The following TMEFF2 variants were observed in gnomAD, a reference collection of about 807,000 sequenced individuals.
The protein encoded by TMEFF2 is transmembrane protein with EGF like and two follistatin like domains 2, also known as tomoregulin-2.
In TMEFF2, 28 loss-of-function variants were observed where a neutral mutation model predicts 53.8. That is an observed-to-expected ratio of 0.52 (90% CI 0.39 to 0.71). The LOEUF is 0.71. Among genes scored for constraint, TMEFF2 ranks in the 30% least tolerant of loss-of-function variants. The pLI is 0.00. For missense variants in TMEFF2, 353 were observed against 455.2 expected, an observed-to-expected ratio of 0.78 and a Z score of 2.04; for synonymous variants, 162 against 166.3, an observed-to-expected ratio of 0.97 and a Z score of 0.20.
intron 7 of TMEFF2, among the ~76,000 whole-genome samples, chr2:191,977,184 C>T (rs980481514): frequency 6.6e-6 from 1 of 152,178 alleles, no homozygotes; most frequent in African/African-American, 2.4e-5. Context: ...CCATGCTGGA[C>T]CAATAGACAC....
chr2:191,955,420 C>A (rs1692043312), intron 8 of TMEFF2, among the ~76,000 whole-genome samples: 1 of 150,352 alleles, frequency 6.7e-6, no homozygotes, highest in Non-Finnish European at 1.5e-5. Flanking sequence ...GTGACCATAG[C>A]TCACTGCAGG....
rs1278766344 is a variant in TMEFF2, at chr2:191,953,688, C to T, written c.1019G>A (p.Cys340Tyr). 1 of 1,613,334 alleles carries T rather than the reference C, an allele frequency of 6.2e-7. No homozygotes were observed. Among genetic ancestry groups the T allele is most frequent in the African/African-American group, 1.3e-5 (1 of 74,974 alleles). The change falls in exon 9 of 10, where the codon TGC becomes TAC. Residue 340 changes from cysteine (C) to tyrosine (Y), a missense_variant. Cys to Tyr is a radical substitution (Grantham distance 194, BLOSUM62 -2). Transcript: ENST00000272771. ...QIAVICVVVLCITRKCPRSNR... is the reference protein window; with the variant it reads ...QIAVICVVVLYITRKCPRSNR... ...AAGTGCTGTTACTGACCTTGTGATGCAGAGGACCACCACACAGATGACAGC... is the reference window on the plus strand; with the variant it reads ...AAGTGCTGTTACTGACCTTGTGATGTAGAGGACCACCACACAGATGACAGC...
intron 4 of TMEFF2, among the ~76,000 whole-genome samples, chr2:192,074,965 T>G (rs1688373901): frequency 6.6e-6 from 1 of 151,466 alleles, no homozygotes; most frequent in Non-Finnish European, 1.5e-5. Flanking sequence ...TGTATATATT[T>G]CTCTTGATAA....
intron 4 of TMEFF2, among the ~76,000 whole-genome samples, chr2:192,083,982 A>G (rs995554915): frequency 1.3e-5 from 2 of 152,080 alleles, no homozygotes; most frequent in African/African-American, 4.8e-5. Context: ...TACTACCACC[A>G]CTAGAATCAT....
At chr2:192,009,797 A>G (rs1204869530) in intron 5 of TMEFF2, among the ~76,000 whole-genome samples, 1 of 152,182 alleles carries the variant, frequency 6.6e-6, no homozygotes, top group Non-Finnish European at 1.5e-5. Flanking sequence ...CTTAAGATCA[A>G]AAGCAAATAT....
rs564722708 is a variant in TMEFF2, at chr2:192,174,253, A to G, written c.439+5415T>C. 1.4e-4 allele frequency among the ~76,000 whole-genome samples: 22 copies of G among 151,898 alleles called. No individual in the cohort carries two copies. The East Asian group carries it at 4.3e-3, about 29-fold the overall frequency. On this transcript the variant is annotated intron_variant, in intron 4 of 9. Transcript: ENST00000272771. Reference sequence around the variant, plus strand: ...AGCATCTATTTCACATTCTTAAGCAATGTGCAGAAATTCAGAGAGCTATTA... The same window carrying G: ...AGCATCTATTTCACATTCTTAAGCAGTGTGCAGAAATTCAGAGAGCTATTA...
chr2:192,095,696 C>T (rs1276393274), intron 4 of TMEFF2, among the ~76,000 whole-genome samples: 1 of 152,120 alleles, frequency 6.6e-6, no homozygotes, highest in Non-Finnish European at 1.5e-5. Flanking sequence ...AAACTAATGG[C>T]AAAGCTAGAA....
At chr2:192,132,784 G>A (rs559277068) in intron 4 of TMEFF2, among the ~76,000 whole-genome samples, 4 of 152,098 alleles carry the variant, frequency 2.6e-5, no homozygotes, top group South Asian at 2.1e-4. Context: ...GCAGGACCTC[G>A]CTGAAAATCG....
chr2:192,114,989 TA>T (rs1689367754), intron 4 of TMEFF2, among the ~76,000 whole-genome samples: 1 of 151,968 alleles, frequency 6.6e-6, no homozygotes, highest in Non-Finnish European at 1.5e-5. Flanking sequence ...GTCAACTAAA[TA>T]TTTTTTTAAA....
chr2:192,111,584 GAAGA>G (rs1689276639), intron 4 of TMEFF2, among the ~76,000 whole-genome samples: 1 of 152,128 alleles, frequency 6.6e-6, no homozygotes, highest in Non-Finnish European at 1.5e-5. Flanking sequence ...GCAGCCTTAT[GAAGA>G]AAGAAAAACC....
At chr2:192,032,723 C>T (rs1228216380) in intron 5 of TMEFF2, 1 of 152,160 alleles carries the variant, frequency 6.6e-6, no homozygotes, top group Non-Finnish European at 1.5e-5. Context: ...ATCTTGGCCC[C>T]CTTCACTTAT....
At chr2:192,064,529 T>C (rs886335357) in intron 4 of TMEFF2, among the ~76,000 whole-genome samples, 1 of 151,900 alleles carries the variant, frequency 6.6e-6, no homozygotes, top group African/African-American at 2.4e-5. Flanking sequence ...TCAAGACTTA[T>C]CTATAGTACC....
intron 5 of TMEFF2, among the ~76,000 whole-genome samples, chr2:192,049,629 G>A (rs967702172): frequency 6.6e-6 from 1 of 152,112 alleles, no homozygotes; most frequent in Non-Finnish European, 1.5e-5. Flanking sequence ...AGTTTAATGA[G>A]TGAGCACCAA....
intron 7 of TMEFF2, among the ~76,000 whole-genome samples, chr2:191,969,172 G>T (rs901849941): frequency 2.0e-5 from 3 of 151,538 alleles, no homozygotes; most frequent in African/African-American, 7.3e-5. Flanking sequence ...TATATAGAGA[G>T]AGAGAGCTAA....
intron 5 of TMEFF2, among the ~76,000 whole-genome samples, chr2:192,015,440 A>G (rs1004057152): frequency 2.7e-4 from 39 of 147,040 alleles, no homozygotes; most frequent in African/African-American, 8.8e-4. Flanking sequence ...AAAATAATTT[A>G]TGATTAAAGT....
chr2:192,122,486 T>G (rs1330959616), intron 4 of TMEFF2, among the ~76,000 whole-genome samples: 1 of 152,186 alleles, frequency 6.6e-6, no homozygotes, highest in African/African-American at 2.4e-5. Context: ...GGATAGGCCT[T>G]TCTCCTTTAG....
intron 4 of TMEFF2, among the ~76,000 whole-genome samples, chr2:192,127,066 T>C (rs1332051746): frequency 4.6e-5 from 7 of 152,230 alleles, no homozygotes; most frequent in Admixed American, 6.5e-5. Context: ...AGTACATGAA[T>C]GAGATTATTA....
At chr2:192,088,433 G>A (rs1164063055) in intron 4 of TMEFF2, among the ~76,000 whole-genome samples, 1 of 152,088 alleles carries the variant, frequency 6.6e-6, no homozygotes, top group Non-Finnish European at 1.5e-5. Flanking sequence ...TCACCTCTGT[G>A]AATTTGCAAA....
chr2:192,072,552 T>G (rs1317452746), intron 4 of TMEFF2, among the ~76,000 whole-genome samples: 2 of 144,054 alleles, frequency 1.4e-5, no homozygotes. Flanking sequence ...TTAGATTTCT[T>G]CATGCATATT....
Sources: allele counts gnomAD v4.1 joint callset (sites outside exome capture counted in the v4.1 genomes callset), GRCh38; gene constraint gnomAD v4.1.1; transcripts MANE v1.5; gene names NCBI Gene and HGNC (gene_info 2026-07-23, HGNC 2026-07-21).